OPA1: variants seen among roughly 807,000 people sequenced by gnomAD.
The protein encoded by OPA1 is dynamin-like GTPase OPA1, mitochondrial.
A neutral mutation model predicts 152.9 loss-of-function variants in OPA1; 59 were observed. The ratio of observed to expected loss-of-function variants is 0.39; its 90% CI spans 0.31 to 0.48. The LOEUF is 0.48. Ranked by LOEUF, OPA1 falls within the 20% of genes least tolerant of loss-of-function variation. The probability of loss-of-function intolerance (pLI) is 0.96; values close to 1 mark genes in which losing one functional copy is unlikely to be tolerated. For missense variants in OPA1, 1,008 were observed against 1,216.8 expected (o/e 0.83, Z 2.55); for synonymous variants, 400 against 389.9 (o/e 1.03, Z -0.31).
chr3:193,655,062 A>G, intron 22 of OPA1, 35 bp downstream of exon 22: 1 of 1,592,320 alleles, frequency 6.3e-7, no homozygotes, highest in Non-Finnish European at 8.6e-7. Flanking sequence ...GGTAAGAAGC[A>G]TTATCTGAAG....
intron 21 of OPA1, among the ~76,000 whole-genome samples, chr3:193,654,499 C>CA (rs60601464): frequency 0.23 from 31,560 of 134,754 alleles, 3,423 homozygotes; most frequent in South Asian, 0.31. Context: ...GACCCTGTCT[C>CA]AAAAAAAAAA....
At chr3:193,593,476 C>T (rs1473988820) in intron 1 of OPA1, 67 bp downstream of exon 1, 1 of 1,413,122 alleles carries the variant, frequency 7.1e-7, no homozygotes, top group African/African-American at 1.5e-5. Flanking sequence ...TGTCTTATCT[C>T]TATCTCCAAA....
At chr3:193,649,699 A>G (rs1432341598) in intron 21 of OPA1, among the ~76,000 whole-genome samples, 3 of 152,150 alleles carry the variant, frequency 2.0e-5, no homozygotes, top group Non-Finnish European at 2.9e-5. Flanking sequence ...CAGCATCACT[A>G]GTTTCCTCAT....
intron 11 of OPA1, among the ~76,000 whole-genome samples, chr3:193,640,048 A>G (rs12107116): frequency 0.024 from 3,678 of 152,244 alleles, 160 homozygotes; most frequent in African/African-American, 0.085. Flanking sequence ...GGGGAAGAAG[A>G]TCAGGAGTTC....
intron 6 of OPA1, among the ~76,000 whole-genome samples, chr3:193,625,285 C>A (rs762584552): frequency 6.6e-6 from 1 of 151,782 alleles, no homozygotes; most frequent in Non-Finnish European, 1.5e-5. Context: ...GTGCATAGGT[C>A]CAAACTGTGT....
chr3:193,671,743 A>G (rs1374427541), intron 29 of OPA1, among the ~76,000 whole-genome samples: 1 of 152,226 alleles, frequency 6.6e-6, no homozygotes, highest in Non-Finnish European at 1.5e-5. Context: ...TAAGTCTGAA[A>G]TTGTTTATGC....
chr3:193,686,715 A>G (rs2109427406), intron 29 of OPA1, among the ~76,000 whole-genome samples: 1 of 152,310 alleles, frequency 6.6e-6, no homozygotes, highest in Admixed American at 6.5e-5. Flanking sequence ...TGAACAATAT[A>G]TATTACATAA....
Position 193,626,178 on chromosome 3 carries a change from G to A in OPA1, c.765G>A (p.Thr255=), listed in dbSNP as rs766088527. The A allele has an allele frequency of 2.0e-5, 33 of 1,613,828 alleles. No homozygotes were observed. In the Admixed American group the frequency reaches 3.5e-4, roughly 17 times the overall value. The part of the protein sequence containing the change: ...EARRAAGQYS[T]SYAQQKRKVS... ...GCAGAGCCGCTGGCCAATATAGCAC[G>A]AGCTATGCCCAACAGAAGCGCAAGG... is the stretch of plus-strand genomic sequence containing the variant. Residue 255 remains threonine (T), a synonymous_variant, in exon 7 of 31, where the codon ACG becomes ACA. Coordinates refer to ENST00000361510, the MANE Select transcript of OPA1 (RefSeq NM_130837.3).
In OPA1 at chr3:193,654,921, T is replaced by C; in HGVS notation, c.2072T>C (p.Ile691Thr). ...GTATCAACTCATGTGATTGAAAACA[T>C]CTACCTTCCAGCTGCGCAGACCATG... ...ERVSTHVIENIYLPAAQTMNS... is the reference protein window; with the variant it reads ...ERVSTHVIENTYLPAAQTMNS... Residue 691 changes from isoleucine to threonine, a missense_variant, in exon 22 of 31, where the codon ATC becomes ACC. This residue lies in a region of OPA1 where 229 missense variants were observed against 269.0 expected (regional missense o/e 0.85). Transcript: ENST00000361510. 6.2e-7 allele frequency: 1 copy of C among 1,613,988 alleles called. No individual in the cohort carries two copies. Among genetic ancestry groups the C allele is most frequent in the Non-Finnish European group, 8.5e-7 (1 of 1,179,944 alleles).
At position 193,680,327 on chromosome 3, in the gene OPA1, T is replaced by C. The variant is rs1452269287; in HGVS notation, c.2984-11736T>C. Among the ~76,000 whole-genome samples the C allele has an allele frequency of 2.0e-5, 3 of 152,202 alleles. No individual in the cohort carries two copies. The East Asian group carries it at 5.8e-4, about 29-fold the overall frequency. On this transcript the variant is annotated intron_variant, in intron 29 of 30. Transcript: ENST00000361510. ...CACTGAAGGTCTTTTGACAAACCAA[T>C]ATTTATAACAGTTTGACAGCAGGAT... is the stretch of plus-strand genomic sequence containing the variant.
At chr3:193,598,012 G>A (rs949392445) in intron 1 of OPA1, among the ~76,000 whole-genome samples, 2 of 152,228 alleles carry the variant, frequency 1.3e-5, no homozygotes, top group South Asian at 2.1e-4. Flanking sequence ...GCCCAGATAC[G>A]TGGGGCTGCA....
chr3:193,657,660 G>A (rs1252880500), intron 23 of OPA1, among the ~76,000 whole-genome samples: 1 of 152,156 alleles, frequency 6.6e-6, no homozygotes, highest in Non-Finnish European at 1.5e-5. Context: ...CTTACTATGT[G>A]CCAGGAACTC....
chr3:193,597,250 A>G (rs1229496565), intron 1 of OPA1, among the ~76,000 whole-genome samples: 1 of 152,146 alleles, frequency 6.6e-6, no homozygotes, highest in Non-Finnish European at 1.5e-5. Context: ...AAAGCTAGAG[A>G]CTGCCCAGGG....
At position 193,667,264 on chromosome 3, in the gene OPA1, A is replaced by C. The variant is rs369942555; in HGVS notation, c.2967A>C (p.Gln989His). 6 of 1,576,074 alleles carry C rather than the reference A, an allele frequency of 3.8e-6. No homozygotes were observed. In the African/African-American group the frequency reaches 8.1e-5, roughly 21 times the overall value. ...KIKLLTGKRV[Q>H]LAEDLKKVRE... is the part of the protein sequence containing the mutation. ...AATTGCTTACTGGTAAACGCGTTCA[A>C]CTGGCGGAAGACCTCAGTGAGTAGT... Residue 989 changes from glutamine (Q) to histidine (H), a missense_variant, in exon 29 of 31, where the codon CAA (glutamine) becomes CAC (histidine). Gln to His is a conservative substitution (Grantham distance 24, BLOSUM62 0). Transcript: ENST00000361510.
At chr3:193,598,200 G>A (rs950617056) in intron 1 of OPA1, among the ~76,000 whole-genome samples, 1 of 152,222 alleles carries the variant, frequency 6.6e-6, no homozygotes, top group Non-Finnish European at 1.5e-5. Flanking sequence ...CCTTTAATGG[G>A]AGAAAGATCG....
chr3:193,668,455 A>T, intron 29 of OPA1: 2 of 1,550,424 alleles, frequency 1.3e-6, no homozygotes, highest in Non-Finnish European at 1.7e-6. Context: ...AGTCCCTTTT[A>T]CTGAGCTCTG....
chr3:193,603,807 A>G (rs1428928296), intron 1 of OPA1, among the ~76,000 whole-genome samples: 1 of 152,200 alleles, frequency 6.6e-6, no homozygotes, highest in Non-Finnish European at 1.5e-5. Flanking sequence ...CCATCAACAA[A>G]AAGTGTTAAT....
intron 1 of OPA1, among the ~76,000 whole-genome samples, chr3:193,601,319 C>A (rs979068930): frequency 2.6e-5 from 4 of 152,136 alleles, no homozygotes; most frequent in Non-Finnish European, 5.9e-5. Context: ...ATTTTGGCCT[C>A]CAAGTATAAG....
At chr3:193,613,767 G>A (rs574764123) in intron 1 of OPA1, among the ~76,000 whole-genome samples, 61 of 152,056 alleles carry the variant, frequency 4.0e-4, no homozygotes, top group African/African-American at 1.4e-3. Context: ...TAGTAGGGAT[G>A]GGGTTTCACC....
Sources: allele counts gnomAD v4.1 joint callset (sites outside exome capture counted in the v4.1 genomes callset), GRCh38; gene constraint gnomAD v4.1.1; regional missense constraint gnomAD v4.1.1; transcripts MANE v1.5; gene names NCBI Gene and HGNC (gene_info 2026-07-23, HGNC 2026-07-21).